MARCHF6: variants seen among roughly 807,000 people sequenced by gnomAD.
MARCHF6 encodes the protein E3 ubiquitin-protein ligase MARCHF6.
In MARCHF6, 31 loss-of-function variants were observed where a neutral mutation model predicts 133.7. The observed-to-expected ratio is 0.23, with a 90% CI of 0.17 to 0.31. The LOEUF is 0.31. Among genes scored for constraint, MARCHF6 ranks in the 10% least tolerant of loss-of-function variants. The pLI, the probability that MARCHF6 is intolerant of heterozygous loss-of-function variation, is 1.00. For missense variants in MARCHF6, 723 were observed against 1,121.6 expected (o/e 0.64, Z 5.08); for synonymous variants, 395 against 402.5 (o/e 0.98, Z 0.22).
chr5:10,419,324 A>C (rs1444008564), intron 22 of MARCHF6, among the ~76,000 whole-genome samples: 1 of 152,232 alleles, frequency 6.6e-6, no homozygotes, highest in East Asian at 1.9e-4. Context: ...CAGTTATACT[A>C]CAAGGCAAAA....
At chr5:10,357,397 T>C (rs1464408696) in intron 1 of MARCHF6, among the ~76,000 whole-genome samples, 1 of 151,890 alleles carries the variant, frequency 6.6e-6, no homozygotes, top group South Asian at 2.1e-4. Flanking sequence ...ACTGCTTGTA[T>C]TAGCACAACA....
chr5:10,354,052 GCCTCTGGGCCGGGGAGCGGAAGGTGAC>G, intron 1 of MARCHF6, 135 bp downstream of exon 1: 2 of 848,418 alleles, frequency 2.4e-6, no homozygotes, highest in Admixed American at 4.3e-5. Flanking sequence ...CACCCGCTGG[GCCTCTGGGCCGGGGAGCGGAAGGTGAC>G]CCTCTGCGCG....
chr5:10,355,989 A>G (rs537524066), intron 1 of MARCHF6, among the ~76,000 whole-genome samples: 1 of 152,224 alleles, frequency 6.6e-6, no homozygotes, highest in Non-Finnish European at 1.5e-5. Flanking sequence ...ATGAAATGCA[A>G]GTGAATTTTA....
Position 10,440,155 on chromosome 5 carries a change from AATT to A in MARCHF6, c.*6476_*6478del, listed in dbSNP as rs1740802633. On this transcript the variant is annotated 3_prime_UTR_variant, in exon 26 of 26. Transcript: ENST00000274140. The stretch of plus-strand genomic sequence containing the variant: ...CCAAAGATTTTATTTTTTTAAACTG[AATT>A]ATTACTGTATTCCCAGAACAATTCC... 1 of 152,186 alleles carries A rather than the reference AATT, an allele frequency of 6.6e-6. No individual in the cohort carries two copies. Among genetic ancestry groups the A allele is most frequent in the Non-Finnish European group, 1.5e-5 (1 of 68,040 alleles). The allele number at this position is 152,186 out of a possible 1,614,324, so 9.4% of individuals were successfully genotyped here.
At chr5:10,377,423 G>A (rs948258391) in intron 1 of MARCHF6, among the ~76,000 whole-genome samples, 2 of 152,174 alleles carry the variant, frequency 1.3e-5, no homozygotes, top group East Asian at 1.9e-4. Flanking sequence ...ACTTTAAACC[G>A]TTAAATTGTT....
At chr5:10,414,372 T>C in intron 19 of MARCHF6, 61 bp from the exon 20 acceptor site, 1 of 928,282 alleles carries the variant, frequency 1.1e-6, no homozygotes, top group Non-Finnish European at 1.7e-6. Flanking sequence ...TGTTGATTCT[T>C]TGATAAAATA....
intron 16 of MARCHF6, among the ~76,000 whole-genome samples, chr5:10,406,435 G>A (rs1738895639): frequency 6.7e-6 from 1 of 148,330 alleles, no homozygotes; most frequent in Non-Finnish European, 1.5e-5. Context: ...TGTCACCCAT[G>A]TTAGAGTGCG....
chr5:10,425,303 C>T (rs1440023438), intron 23 of MARCHF6, among the ~76,000 whole-genome samples: 2 of 152,126 alleles, frequency 1.3e-5, no homozygotes, highest in East Asian at 3.9e-4. Flanking sequence ...GGCTTCATAT[C>T]CCTTCAGGAT....
rs1740286090 is a variant in MARCHF6, at chr5:10,429,969, A to G, written c.2583A>G (p.Ala861=). The change falls in exon 25 of 26, where the codon GCA becomes GCG. Residue 861 remains alanine, a synonymous_variant. Coordinates refer to ENST00000274140, the MANE Select transcript of MARCHF6 (RefSeq NM_005885.4). The stretch of plus-strand genomic sequence containing the variant: ...TACTGATGGTCGTGGTATTGATGGC[A>G]ATTTTGTCCTTCCAAGTCCGCCAGT... The part of the protein sequence containing the change: ...PFLLMVVVLM[A]ILSFQVRQFK... 5 of 1,613,762 alleles carry G rather than the reference A, an allele frequency of 3.1e-6. No individual in the cohort carries two copies. The highest frequency in any genetic ancestry group is 1.6e-4 in the Middle Eastern group (1 of 6,062).
intron 1 of MARCHF6, among the ~76,000 whole-genome samples, chr5:10,361,968 G>T (rs904521961): frequency 6.6e-6 from 1 of 151,980 alleles, no homozygotes; most frequent in Non-Finnish European, 1.5e-5. Context: ...TCTCCATGTT[G>T]GTCAGGCTGG....
At chr5:10,399,249 T>A (rs1738371145) in intron 10 of MARCHF6, among the ~76,000 whole-genome samples, 2 of 152,110 alleles carry the variant, frequency 1.3e-5, no homozygotes, top group South Asian at 4.1e-4. Flanking sequence ...GTTTTTTTCC[T>A]TACCTTATTA....
chr5:10,417,517 G>A, intron 22 of MARCHF6, 113 bp downstream of exon 22: 2 of 1,370,202 alleles, frequency 1.5e-6, no homozygotes, highest in Non-Finnish European at 2.0e-6. Context: ...AGGCTGAGGT[G>A]GGAGGACTGC....
At chr5:10,366,378 C>T (rs1736137855) in intron 1 of MARCHF6, among the ~76,000 whole-genome samples, 1 of 152,088 alleles carries the variant, frequency 6.6e-6, no homozygotes, top group South Asian at 2.1e-4. Flanking sequence ...ATAATTGTAG[C>T]TACTAATTGT....
Position 10,433,837 on chromosome 5 carries a change from A to AT in MARCHF6, c.*155dup. On this transcript the variant is annotated 3_prime_UTR_variant, in exon 26 of 26. Coordinates refer to ENST00000274140, the MANE Select transcript of MARCHF6 (RefSeq NM_005885.4). ...AGCATTCAGAGAGCAGCGGTGTAAG[A>AT]TTCTGCTGTTCTCCCTGGATCTTCT... 1 of 641,086 alleles carries AT rather than the reference A, an allele frequency of 1.6e-6. No individual in the cohort carries two copies. Among genetic ancestry groups the AT allele is most frequent in the Non-Finnish European group, 2.8e-6 (1 of 359,274 alleles). The allele number at this position is 641,086 out of a possible 1,614,324, so 39.7% of individuals were successfully genotyped here. A position where few individuals can be genotyped will look rare whatever the true frequency, so the allele number is the denominator to read the frequency against.
intron 19 of MARCHF6, among the ~76,000 whole-genome samples, chr5:10,413,778 C>T (rs1001815067): frequency 3.3e-5 from 5 of 152,108 alleles, no homozygotes; most frequent in Admixed American, 3.3e-4. Flanking sequence ...ACCAGGAGAA[C>T]AGTATGGGGG....
chr5:10,415,699 GTA>G, intron 21 of MARCHF6, 30 bp downstream of exon 21: 1 of 1,537,256 alleles, frequency 6.5e-7, no homozygotes, highest in Non-Finnish European at 8.8e-7. Context: ...GACTGATCTT[GTA>G]TGTTAGGAAT....
At chr5:10,364,408 T>C (rs1027585946) in intron 1 of MARCHF6, among the ~76,000 whole-genome samples, 1 of 152,152 alleles carries the variant, frequency 6.6e-6, no homozygotes, top group Admixed American at 6.5e-5. Flanking sequence ...TGTATGAAGG[T>C]GTTCATTAAA....
chr5:10,403,745 T>G (rs923777558), intron 15 of MARCHF6, among the ~76,000 whole-genome samples: 2 of 152,230 alleles, frequency 1.3e-5, no homozygotes, highest in Non-Finnish European at 2.9e-5. Context: ...TTGGCAAGTT[T>G]TAATATTTCT....
intron 1 of MARCHF6, among the ~76,000 whole-genome samples, chr5:10,371,581 C>A (rs1202892240): frequency 1.3e-5 from 2 of 152,098 alleles, no homozygotes; most frequent in Non-Finnish European, 2.9e-5. Flanking sequence ...TTCACTATCA[C>A]GAGAACAGCA....
Sources: gnomAD v4.1 joint callset for allele counts (sites outside exome capture counted in the v4.1 genomes callset) on GRCh38, gnomAD v4.1.1 for gene constraint, MANE v1.5 for transcripts, NCBI Gene and HGNC (gene_info 2026-07-23, HGNC 2026-07-21) for gene names.